NDUFAF6: variants seen among roughly 807,000 people sequenced by gnomAD.
NDUFAF6 encodes NADH:ubiquinone oxidoreductase complex assembly factor 6, also known as NADH dehydrogenase (ubiquinone) complex I, assembly factor 6.
NDUFAF6 carries 45 observed loss-of-function variants against 40.8 expected under a neutral mutation model. The observed-to-expected ratio is 1.10, with a 90% confidence interval of 0.87 to 1.42. NDUFAF6 has a LOEUF of 1.42. NDUFAF6 is among the 40% of genes most tolerant of loss of function. NDUFAF6 has a pLI of 0.00. For missense variants in NDUFAF6, 435 were observed against 418.5 expected (o/e 1.04, Z -0.34); for synonymous variants, 185 against 155.9 (o/e 1.19, Z -1.39).
intron 2 of NDUFAF6, among the ~76,000 whole-genome samples, chr8:95,081,655 G>T (rs1341607248): frequency 6.6e-6 from 1 of 152,248 alleles, no homozygotes; most frequent in African/African-American, 2.4e-5. Flanking sequence ...ATCAAGGGAA[G>T]AGAGAAATGA....
chr8:94,932,056 G>A (rs1392526312), intron 1 of NDUFAF6: 40 of 1,607,656 alleles, frequency 2.5e-5, no homozygotes, highest in Non-Finnish European at 3.1e-5. Flanking sequence ...CAGTCTCAAA[G>A]TGAATATACT....
chr8:94,985,494 TATATATATATATATATATA>T (rs1825776490), intron 2 of NDUFAF6, among the ~76,000 whole-genome samples: 1 of 8,468 alleles, frequency 1.2e-4, no homozygotes, highest in Non-Finnish European at 3.0e-4. Flanking sequence ...TATATATATA[TATATATATATATATATATA>T]TATTTTTTTT....
intron 3 of NDUFAF6, among the ~76,000 whole-genome samples, chr8:95,038,913 C>T (rs1201823762): frequency 6.6e-6 from 1 of 151,324 alleles, no homozygotes; most frequent in Non-Finnish European, 1.5e-5. Flanking sequence ...TCGTGATCTG[C>T]CTGCCTCGGC....
At chr8:94,969,466 G>A (rs989939854) in intron 1 of NDUFAF6, among the ~76,000 whole-genome samples, 11 of 152,134 alleles carry the variant, frequency 7.2e-5, no homozygotes, top group Admixed American at 5.9e-4. Context: ...GTCAGCAGCT[G>A]GACAATATTG....
upstream of NDUFAF6, among the ~76,000 whole-genome samples, chr8:95,022,109 T>C (rs1471196987): frequency 6.7e-6 from 1 of 150,258 alleles, no homozygotes; most frequent in Non-Finnish European, 1.5e-5. Context: ...GCATAGTTAA[T>C]GTGTTATATC....
chr8:95,099,599 A>C (rs1210910491), upstream of NDUFAF6, among the ~76,000 whole-genome samples: 1 of 152,058 alleles, frequency 6.6e-6, no homozygotes, highest in Non-Finnish European at 1.5e-5. Flanking sequence ...AAAAAAGAAA[A>C]AGAAAGAAAA....
chr8:94,906,393 G>A (rs1447187974), intron 1 of NDUFAF6, among the ~76,000 whole-genome samples: 1 of 152,146 alleles, frequency 6.6e-6, no homozygotes. Flanking sequence ...GACCCCATAT[G>A]TATTTCTCCC....
chr8:95,069,422 T>G (rs780022398), intron 9 of NDUFAF6, among the ~76,000 whole-genome samples: 7 of 151,948 alleles, frequency 4.6e-5, no homozygotes, highest in Non-Finnish European at 8.8e-5. Flanking sequence ...TGCACTCGTA[T>G]GATGGTTTGC....
At chr8:95,048,699 G>C (rs1587139705) in intron 7 of NDUFAF6, 141 bp downstream of exon 7, 1 of 724,200 alleles carries the variant, frequency 1.4e-6, no homozygotes, top group Non-Finnish European at 2.4e-6. Context: ...TTATCTCGGA[G>C]TCTGTTGTAA....
chr8:95,039,695 A>C (rs1829945871), intron 3 of NDUFAF6, among the ~76,000 whole-genome samples: 1 of 151,742 alleles, frequency 6.6e-6, no homozygotes, highest in Non-Finnish European at 1.5e-5. Context: ...TGTGGTGATC[A>C]TAGCTCACTG....
intron 1 of NDUFAF6, among the ~76,000 whole-genome samples, chr8:94,917,544 T>C (rs1437737759): frequency 6.6e-6 from 1 of 152,198 alleles, no homozygotes; most frequent in Non-Finnish European, 1.5e-5. Context: ...GTGGTTGAAT[T>C]ACCAATGTGT....
intron 3 of NDUFAF6, 54 bp from the exon 4 acceptor site, chr8:95,041,516 A>G: frequency 2.4e-6 from 3 of 1,254,728 alleles, no homozygotes; most frequent in Non-Finnish European, 3.5e-6. Flanking sequence ...ATTCAGATCT[A>G]CAGAAGTCAT....
chr8:95,077,042 G>A (rs1808650817), downstream of NDUFAF6, among the ~76,000 whole-genome samples: 1 of 152,186 alleles, frequency 6.6e-6, no homozygotes. Flanking sequence ...CATAAGAAGA[G>A]GAGATGAAGC....
intron 3 of NDUFAF6, among the ~76,000 whole-genome samples, chr8:95,041,349 T>C (rs188519857): frequency 6.6e-6 from 1 of 152,356 alleles, no homozygotes; most frequent in East Asian, 1.9e-4. Flanking sequence ...AAAGACAAGT[T>C]AGTAGAAAAG....
At chr8:95,029,508 G>T (rs1249955517) in intron 1 of NDUFAF6, among the ~76,000 whole-genome samples, 1 of 152,162 alleles carries the variant, frequency 6.6e-6, no homozygotes, top group African/African-American at 2.4e-5. Flanking sequence ...TCAAAATCAG[G>T]AAATTAAAAT....
chr8:95,059,570 C>T (rs189899151), downstream of NDUFAF6, among the ~76,000 whole-genome samples: 3 of 152,188 alleles, frequency 2.0e-5, no homozygotes, highest in East Asian at 3.9e-4. Flanking sequence ...GAAATGGGGC[C>T]GGGCGTGGTG....
At chr8:94,915,448 G>GT (rs1465918782) in intron 1 of NDUFAF6, among the ~76,000 whole-genome samples, 1 of 152,134 alleles carries the variant, frequency 6.6e-6, no homozygotes. Flanking sequence ...TGTGTACCAT[G>GT]TTTTTTAAAT....
chr8:94,953,010 A>T (rs1421779969), upstream of NDUFAF6, among the ~76,000 whole-genome samples: 1 of 152,236 alleles, frequency 6.6e-6, no homozygotes, highest in African/African-American at 2.4e-5. Flanking sequence ...AAGGCTTCTT[A>T]GTTTCTGGCT....
chr8:95,001,145 G>A (rs763674310), intron 2 of NDUFAF6, among the ~76,000 whole-genome samples: 6 of 151,798 alleles, frequency 4.0e-5, no homozygotes, highest in Non-Finnish European at 8.8e-5. Context: ...TAATAGGGTT[G>A]AGGTCTCGCT....
Sources: gnomAD v4.1 joint callset for allele counts (sites outside exome capture counted in the v4.1 genomes callset) on GRCh38, gnomAD v4.1.1 for gene constraint, MANE v1.5 for transcripts, NCBI Gene and HGNC (gene_info 2026-07-23, HGNC 2026-07-21) for gene names.